The following GALNT17 variants were observed in gnomAD, a reference collection of about 807,000 sequenced individuals.
The protein encoded by GALNT17 is UDP-GalNAc:polypeptide N-acetylgalactosaminyltransferase-like 3.
GALNT17 carries 29 observed loss-of-function variants against 63.7 expected under a neutral mutation model. The observed-to-expected ratio is 0.46, with a 90% CI of 0.34 to 0.62. The LOEUF (loss-of-function observed/expected upper bound fraction) is 0.62, where lower values mean the gene tolerates loss of function less well. GALNT17 is among the 20% of genes least tolerant of loss of function. GALNT17 has a pLI of 0.01. For synonymous variants in GALNT17, 305 were observed against 318.3 expected, an observed-to-expected ratio of 0.96 and a Z score of 0.45; for missense variants, 603 against 799.6, an observed-to-expected ratio of 0.75 and a Z score of 2.97.
intron 10 of GALNT17, among the ~76,000 whole-genome samples, chr7:71,711,679 T>A (rs1791794551): frequency 6.9e-6 from 1 of 145,538 alleles, no homozygotes; most frequent in Admixed American, 6.8e-5. Flanking sequence ...TTTTTCTCTC[T>A]CTCCTCTCTA....
chr7:71,298,820 T>C (rs1305762134), intron 1 of GALNT17, among the ~76,000 whole-genome samples: 1 of 152,100 alleles, frequency 6.6e-6, no homozygotes, highest in African/African-American at 2.4e-5. Flanking sequence ...TGAGGAGATC[T>C]ATTTCAGAGT....
intron 1 of GALNT17, among the ~76,000 whole-genome samples, chr7:71,294,110 C>T (rs933525201): frequency 6.7e-6 from 1 of 150,154 alleles, no homozygotes; most frequent in Non-Finnish European, 1.5e-5. Context: ...TGCAGTGAGC[C>T]GAGATCACAG....
intron 3 of GALNT17, among the ~76,000 whole-genome samples, chr7:71,402,783 A>G (rs1793262252): frequency 1.3e-5 from 2 of 152,298 alleles, no homozygotes; most frequent in South Asian, 4.1e-4. Context: ...TTCTTGGTTT[A>G]TAATTGCAGA....
intron 6 of GALNT17, among the ~76,000 whole-genome samples, chr7:71,632,090 A>T (rs925243000): frequency 2.1e-5 from 3 of 139,554 alleles, no homozygotes; most frequent in Admixed American, 1.4e-4. Flanking sequence ...TTTAGTCTAA[A>T]AAAAAAAAGA....
At chr7:71,133,839 TTACC>T (rs771349829) in intron 1 of GALNT17, among the ~76,000 whole-genome samples, 1 of 152,176 alleles carries the variant, frequency 6.6e-6, no homozygotes, top group Non-Finnish European at 1.5e-5. Flanking sequence ...AGAGTGAGTG[TTACC>T]TACCTGAGTA....
chr7:71,155,118 A>C (rs1019592180), intron 1 of GALNT17, among the ~76,000 whole-genome samples: 1 of 151,740 alleles, frequency 6.6e-6, no homozygotes, highest in East Asian at 1.9e-4. Context: ...TTGGAAATGC[A>C]AGAGTGGCTG....
intron 6 of GALNT17, among the ~76,000 whole-genome samples, chr7:71,644,264 C>T (rs963851440): frequency 6.6e-6 from 1 of 151,404 alleles, no homozygotes; most frequent in African/African-American, 2.4e-5. Context: ...AGGCTGGGCA[C>T]GGTGGCTCAC....
chr7:71,520,479 C>T (rs192984827), intron 5 of GALNT17, among the ~76,000 whole-genome samples: 3 of 151,740 alleles, frequency 2.0e-5, no homozygotes, highest in Non-Finnish European at 2.9e-5. Flanking sequence ...GCTGAGATCG[C>T]GCCACTGCAC....
chr7:71,588,566 T>C (rs1292410212), intron 6 of GALNT17, among the ~76,000 whole-genome samples: 1 of 152,236 alleles, frequency 6.6e-6, no homozygotes, highest in East Asian at 1.9e-4. Flanking sequence ...CTAAACTCAG[T>C]TGACCTAAAA....
At chr7:71,488,889 CTTTTTTTTTTT>C (rs369124996) in intron 5 of GALNT17, among the ~76,000 whole-genome samples, 86 of 54,740 alleles carry the variant, frequency 1.6e-3, no homozygotes, top group South Asian at 3.2e-3. Flanking sequence ...GCCAGGTTTC[CTTTTTTTTTTT>C]TTTTTTTTTT....
chr7:71,542,119 A>G (rs1788902785), intron 5 of GALNT17, among the ~76,000 whole-genome samples: 1 of 152,196 alleles, frequency 6.6e-6, no homozygotes, highest in African/African-American at 2.4e-5. Flanking sequence ...TAACCGCAAT[A>G]GAAAGTCAAA....
chr7:71,519,751 A>G (rs754520597), intron 5 of GALNT17, among the ~76,000 whole-genome samples: 2 of 151,972 alleles, frequency 1.3e-5, no homozygotes, highest in Non-Finnish European at 2.9e-5. Context: ...GGTGTGAGCC[A>G]CCGTGCCCAG....
At chr7:71,538,896 CAGAG>C (rs1490427711) in intron 5 of GALNT17, among the ~76,000 whole-genome samples, 1 of 151,292 alleles carries the variant, frequency 6.6e-6, no homozygotes, top group Non-Finnish European at 1.5e-5. Context: ...GAAAGAGGGA[CAGAG>C]GGAGGGAGAG....
chr7:71,357,102 G>T (rs548743715), intron 2 of GALNT17, among the ~76,000 whole-genome samples: 3 of 152,084 alleles, frequency 2.0e-5, no homozygotes, highest in South Asian at 4.2e-4. Flanking sequence ...AGTGTTTTTT[G>T]TGTGTGTTTG....
intron 6 of GALNT17, among the ~76,000 whole-genome samples, chr7:71,631,512 AG>A (rs1277073583): frequency 6.6e-6 from 1 of 152,140 alleles, no homozygotes; most frequent in African/African-American, 2.4e-5. Context: ...GAATGAAGTA[AG>A]GGAACAAGTC....
chr7:71,599,717 A>ACC (rs200600852), intron 6 of GALNT17, among the ~76,000 whole-genome samples: 11 of 150,026 alleles, frequency 7.3e-5, no homozygotes, highest in African/African-American at 2.7e-4. Context: ...CACACAGGAT[A>ACC]CCCCCCCCAC....
At chr7:71,514,435 G>A (rs182177983) in intron 5 of GALNT17, among the ~76,000 whole-genome samples, 226 of 152,152 alleles carry the variant, frequency 1.5e-3, no homozygotes, top group Non-Finnish European at 2.5e-3. Flanking sequence ...GGGACCTGGG[G>A]TACTGCTGTC....
chr7:71,335,758 G>T, intron 2 of GALNT17, 25 bp downstream of exon 2: 1 of 1,564,954 alleles, frequency 6.4e-7, no homozygotes, highest in Non-Finnish European at 8.7e-7. Flanking sequence ...AGTCATTTGC[G>T]GAGCTTGATG....
intron 5 of GALNT17, among the ~76,000 whole-genome samples, chr7:71,431,702 G>A (rs992726292): frequency 2.6e-5 from 4 of 152,110 alleles, no homozygotes; most frequent in African/African-American, 9.7e-5. Flanking sequence ...CCAGCTGGAG[G>A]AGATTTTTAC....
Sources: allele counts gnomAD v4.1 joint callset (sites outside exome capture counted in the v4.1 genomes callset), GRCh38; gene constraint gnomAD v4.1.1; transcripts MANE v1.5; gene names NCBI Gene and HGNC (gene_info 2026-07-23, HGNC 2026-07-21).